LRRC2: variants seen among roughly 807,000 people sequenced by gnomAD.
LRRC2 encodes the protein leucine rich repeat containing 2.
LRRC2 carries 27 observed loss-of-function variants against 40.2 expected under a neutral mutation model. The observed-to-expected ratio is 0.67, with a 90% confidence interval of 0.49 to 0.93. LRRC2 has a LOEUF of 0.93. Among genes scored for constraint, LRRC2 ranks in the 40% least tolerant of loss-of-function variants. The probability of loss-of-function intolerance (pLI) is 0.00; values close to 1 mark genes in which losing one functional copy is unlikely to be tolerated. For synonymous variants in LRRC2, 147 were observed against 158.9 expected (o/e 0.92, Z 0.56); for missense variants, 402 against 439.6 (o/e 0.91, Z 0.76).
Position 46,519,873 on chromosome 3 carries a change from G to A in LRRC2, c.1067-810C>T, listed in dbSNP as rs572536533. Reference sequence around the variant, plus strand: ...GACACCATGATAAAGAAAAGAAAACGAGCAAATTTTTTAAAATTCAGAGCA... The same window carrying A: ...GACACCATGATAAAGAAAAGAAAACAAGCAAATTTTTTAAAATTCAGAGCA... On this transcript the variant is annotated intron_variant, in intron 8 of 8. Transcript: ENST00000395905. 4.6e-5 allele frequency among the ~76,000 whole-genome samples: 7 copies of A among 152,210 alleles called. No homozygotes were observed. In the South Asian group the frequency reaches 1.0e-3, roughly 23 times the overall value.
chr3:46,565,810 C>T (rs1705045181), intron 1 of LRRC2, among the ~76,000 whole-genome samples: 1 of 152,228 alleles, frequency 6.6e-6, no homozygotes. Context: ...TGATTTATCT[C>T]CCCTGGACAG....
intron 7 of LRRC2, among the ~76,000 whole-genome samples, chr3:46,525,372 T>C (rs1207156177): frequency 6.6e-6 from 1 of 151,888 alleles, no homozygotes; most frequent in Non-Finnish European, 1.5e-5. Context: ...TGCCTCAGCC[T>C]CCCAAGTACC....
chr3:46,533,903 C>CT lies in LRRC2; in HGVS notation c.491-995dup, dbSNP rs1374956200. On this transcript the variant is annotated intron_variant, in intron 4 of 8. Coordinates refer to ENST00000395905, the MANE Select transcript of LRRC2 (RefSeq NM_024512.5). ...CTTTCTTCCTTCCTTCCTTTCTTTTCTTTTTTTTTTAATTTTTTTTGTTTT... is the reference window on the plus strand; with the variant it reads ...CTTTCTTCCTTCCTTCCTTTCTTTTCTTTTTTTTTTTAATTTTTTTTGTTTT... Among the ~76,000 whole-genome samples the CT allele has an allele frequency of 1.7e-3, 203 of 119,140 alleles. 1 individual carries two copies. The highest frequency in any genetic ancestry group is 5.2e-3 in the East Asian group (22 of 4,236). 78.2% of individuals were successfully genotyped at this position (119,140 alleles called of 152,430 possible).
intron 1 of LRRC2, among the ~76,000 whole-genome samples, chr3:46,556,637 G>C (rs1350730195): frequency 7.0e-6 from 1 of 143,260 alleles, no homozygotes; most frequent in Non-Finnish European, 1.5e-5. Flanking sequence ...GGAGTGCAGC[G>C]GCGTGATCTC....
intron 3 of LRRC2, among the ~76,000 whole-genome samples, chr3:46,543,083 A>C (rs1394654804): frequency 6.6e-6 from 1 of 152,178 alleles, no homozygotes; most frequent in Admixed American, 6.5e-5. Flanking sequence ...GCCGAAGCAC[A>C]AGCTCTCTGG....
At chr3:46,531,527 G>T (rs1052566999) in intron 5 of LRRC2, among the ~76,000 whole-genome samples, 3 of 152,144 alleles carry the variant, frequency 2.0e-5, no homozygotes. Flanking sequence ...ATATATTCTG[G>T]AGGGCATGCT....
chr3:46,551,945 A>G (rs13087255), intron 1 of LRRC2, among the ~76,000 whole-genome samples: 1 of 151,530 alleles, frequency 6.6e-6, no homozygotes, highest in Non-Finnish European at 1.5e-5. Context: ...GGACTACAGG[A>G]TCACACCATC....
At chr3:46,521,336 C>A (rs1703960288) in intron 8 of LRRC2, among the ~76,000 whole-genome samples, 186 bp downstream of exon 8, 1 of 152,092 alleles carries the variant, frequency 6.6e-6, no homozygotes, top group Admixed American at 6.6e-5. Flanking sequence ...TGGACTAGCA[C>A]AATTTGATAT....
chr3:46,528,910 A>AG (rs1704109799), intron 6 of LRRC2, among the ~76,000 whole-genome samples: 1 of 151,644 alleles, frequency 6.6e-6, no homozygotes, highest in Non-Finnish European at 1.5e-5. Flanking sequence ...CCAGGAATTC[A>AG]AGACCAGCCT....
intron 8 of LRRC2, among the ~76,000 whole-genome samples, chr3:46,519,637 G>C (rs1196144516): frequency 1.3e-5 from 2 of 152,224 alleles, no homozygotes; most frequent in Admixed American, 1.3e-4. Context: ...TCACCAGCGA[G>C]CTGGTCAGAA....
At chr3:46,542,848 A>C (rs1226112530) in intron 3 of LRRC2, among the ~76,000 whole-genome samples, 1 of 152,190 alleles carries the variant, frequency 6.6e-6, no homozygotes, top group Non-Finnish European at 1.5e-5. Flanking sequence ...AGCTGGCCAC[A>C]CAGCCTCAGC....
chr3:46,544,428 G>A (rs1000011891), intron 3 of LRRC2, among the ~76,000 whole-genome samples: 4 of 152,056 alleles, frequency 2.6e-5, no homozygotes, highest in East Asian at 1.9e-4. Flanking sequence ...CTGAGATCTC[G>A]CCACTGCACT....
At chr3:46,555,095 T>G (rs978987678) in intron 1 of LRRC2, among the ~76,000 whole-genome samples, 1 of 152,222 alleles carries the variant, frequency 6.6e-6, no homozygotes, top group East Asian at 1.9e-4. Context: ...TAATTGGTCT[T>G]TTTATTTATC....
At chr3:46,527,345 T>G in intron 7 of LRRC2, 81 bp downstream of exon 7, 172 of 1,472,488 alleles carry the variant, frequency 1.2e-4, no homozygotes, top group Non-Finnish European at 1.5e-4. Flanking sequence ...ATCCGGGTCT[T>G]GAGACAGCTG....
chr3:46,536,207 CTT>C (rs1362893867), intron 4 of LRRC2, among the ~76,000 whole-genome samples: 2 of 152,216 alleles, frequency 1.3e-5, no homozygotes, highest in African/African-American at 4.8e-5. Context: ...ACCCAGGAAA[CTT>C]AGCGCTTACT....
chr3:46,558,271 A>G (rs1704856738), intron 1 of LRRC2: 2 of 152,194 alleles, frequency 1.3e-5, no homozygotes, highest in South Asian at 4.1e-4. Context: ...GCCAATATTT[A>G]AAGGAATGCC....
rs1011608885 is a variant in LRRC2 at position 46,515,418 on chromosome 3, A to G, written c.*3596T>C. On this transcript the variant is annotated 3_prime_UTR_variant, in exon 9 of 9. Coordinates refer to ENST00000395905, the MANE Select transcript of LRRC2 (RefSeq NM_024512.5). ...CTAAGAATATTTTATTCTTTCATTC[A>G]TATTACTTTAATATTCATACATGTA... 1.3e-5 allele frequency: 2 copies of G among 152,124 alleles called. No homozygotes were observed. The highest frequency in any genetic ancestry group is 2.4e-5 in the African/African-American group (1 of 41,438). 9.4% of individuals were successfully genotyped at this position (152,124 alleles called of 1,614,324 possible).
In LRRC2 at chr3:46,531,591, T is replaced by A. The variant is rs138841812; in HGVS notation, c.627+1182A>T. ...GGCACATGGGAGAAGAGAGGATGAC[T>A]TAATTTACTTCCAGCCTTAACATCT... On this transcript the variant is annotated intron_variant, in intron 5 of 8. Transcript: ENST00000395905. Among the ~76,000 whole-genome samples the A allele has an allele frequency of 7.9e-5, 12 of 152,234 alleles. No homozygotes were observed. In the South Asian group the frequency reaches 1.5e-3, roughly 18 times the overall value.
At chr3:46,534,553 T>C (rs962591547) in intron 4 of LRRC2, among the ~76,000 whole-genome samples, 18 of 151,882 alleles carry the variant, frequency 1.2e-4, no homozygotes, top group African/African-American at 3.1e-4. Context: ...TTTCACACCA[T>C]CAAAAAGCTG....
Sources: gnomAD v4.1 joint callset for allele counts (sites outside exome capture counted in the v4.1 genomes callset) on GRCh38, gnomAD v4.1.1 for gene constraint, MANE v1.5 for transcripts, NCBI Gene and HGNC (gene_info 2026-07-23, HGNC 2026-07-21) for gene names.